Variants in PTPRM observed in about 807,000 individuals in gnomAD.
PTPRM encodes the protein protein tyrosine phosphatase receptor type M, also known as receptor-type tyrosine-protein phosphatase mu.
PTPRM carries 47 observed loss-of-function variants against 186.7 expected under a neutral mutation model. The observed-to-expected ratio is 0.25, with a 90% CI of 0.20 to 0.32. The LOEUF (loss-of-function observed/expected upper bound fraction) is 0.32, where lower values mean the gene tolerates loss of function less well. PTPRM is among the 10% of genes least tolerant of loss of function. The pLI is 1.00. For missense variants in PTPRM, 1,494 were observed against 1,865.0 expected, an observed-to-expected ratio of 0.80 and a Z score of 3.66; for synonymous variants, 668 against 674.9, an observed-to-expected ratio of 0.99 and a Z score of 0.16.
At chr18:7,714,450 T>G (rs2040279981) in intron 1 of PTPRM, among the ~76,000 whole-genome samples, 1 of 151,490 alleles carries the variant, frequency 6.6e-6, no homozygotes, top group Non-Finnish European at 1.5e-5. Flanking sequence ...ACATCACAAT[T>G]AAAAGAACTA....
At chr18:8,125,864 C>CT (rs1374229236) in intron 13 of PTPRM, among the ~76,000 whole-genome samples, 2 of 150,696 alleles carry the variant, frequency 1.3e-5, no homozygotes, top group East Asian at 3.9e-4. Context: ...TCTTTAAAAA[C>CT]TTTTTATTTT....
intron 14 of PTPRM, among the ~76,000 whole-genome samples, chr18:8,206,263 A>ATTTTTTTTTTTTTTTTTTTTTTTTTT (rs1211708621): frequency 6.8e-6 from 1 of 147,118 alleles, no homozygotes; most frequent in African/African-American, 2.7e-5. Flanking sequence ...ATTTTATTTT[A>ATTTTTTTTTTTTTTTTTTTTTTTTTT]TTTTATTTTG....
intron 23 of PTPRM, among the ~76,000 whole-genome samples, chr18:8,352,653 GTTT>G (rs1355276752): frequency 8.2e-5 from 10 of 121,344 alleles, no homozygotes; most frequent in African/African-American, 1.7e-4. Flanking sequence ...TTTTGGTTTG[GTTT>G]TTTTTGTTTG....
intron 19 of PTPRM, among the ~76,000 whole-genome samples, chr18:8,288,106 T>G (rs2094977628): frequency 6.6e-6 from 1 of 152,182 alleles, no homozygotes; most frequent in Non-Finnish European, 1.5e-5. Context: ...TCTAAACACA[T>G]AGAAACCCTT....
At chr18:7,757,637 C>T (rs531858459) in intron 1 of PTPRM, among the ~76,000 whole-genome samples, 2 of 152,216 alleles carry the variant, frequency 1.3e-5, no homozygotes, top group African/African-American at 4.8e-5. Flanking sequence ...ATAAGGGGCA[C>T]AATCTCGTAC....
chr18:8,263,032 A>C (rs1159300918), intron 19 of PTPRM, among the ~76,000 whole-genome samples: 2 of 152,186 alleles, frequency 1.3e-5, no homozygotes, highest in Non-Finnish European at 2.9e-5. Flanking sequence ...AATACTGATC[A>C]CCTAAAAATG....
intron 1 of PTPRM, among the ~76,000 whole-genome samples, chr18:7,634,454 C>G (rs548471635): frequency 7.2e-5 from 11 of 152,326 alleles, no homozygotes; most frequent in African/African-American, 2.6e-4. Flanking sequence ...ATGGCTATGT[C>G]TTTGTCCCCA....
At chr18:8,168,104 T>A (rs917447908) in intron 14 of PTPRM, among the ~76,000 whole-genome samples, 1 of 152,246 alleles carries the variant, frequency 6.6e-6, no homozygotes, top group Non-Finnish European at 1.5e-5. Flanking sequence ...AGCGCTCAGT[T>A]AAAAATATTT....
intron 32 of PTPRM, among the ~76,000 whole-genome samples, chr18:8,395,860 T>C (rs1459757050): frequency 6.6e-6 from 1 of 152,238 alleles, no homozygotes; most frequent in Non-Finnish European, 1.5e-5. Context: ...TCCTTAAGCA[T>C]GTCACTTAAC....
intron 1 of PTPRM, among the ~76,000 whole-genome samples, chr18:7,660,153 A>C (rs960192808): frequency 5.3e-5 from 8 of 152,276 alleles, no homozygotes; most frequent in African/African-American, 1.9e-4. Context: ...CCTGGCCAAC[A>C]TGACAAAAGC....
At chr18:7,620,094 G>A (rs1313815175) in intron 1 of PTPRM, among the ~76,000 whole-genome samples, 1 of 152,158 alleles carries the variant, frequency 6.6e-6, no homozygotes, top group African/African-American at 2.4e-5. Context: ...TTCTCTAGGA[G>A]AAAACCACTC....
chr18:8,308,269 C>G (rs924675575), intron 20 of PTPRM, among the ~76,000 whole-genome samples: 1 of 152,180 alleles, frequency 6.6e-6, no homozygotes, highest in African/African-American at 2.4e-5. Flanking sequence ...GAGAAATCAC[C>G]TAATTGGCTA....
At position 7,898,435 on chromosome 18, in the gene PTPRM, C is replaced by A. The variant is rs577520388; in HGVS notation, c.469-8070C>A. On this transcript the variant is annotated intron_variant, in intron 3 of 32. Transcript: ENST00000580170. ...AAGCTAATTTTGCTCTTCACTGAAG[C>A]GGGGAGGATCAGGGAGGCTGTGGTG... 2.0e-5 allele frequency among the ~76,000 whole-genome samples: 3 copies of A among 152,250 alleles called. No homozygotes were observed. The South Asian group carries it at 6.2e-4, about 32-fold the overall frequency.
At chr18:8,007,971 G>A (rs974129620) in intron 7 of PTPRM, among the ~76,000 whole-genome samples, 4 of 152,104 alleles carry the variant, frequency 2.6e-5, no homozygotes, top group East Asian at 3.9e-4. Flanking sequence ...GTGCCTTCCC[G>A]CTTGTGGTGC....
chr18:8,305,722 C>A lies in PTPRM; in HGVS notation c.2843-9059C>A, dbSNP rs1601726348. 2.0e-5 allele frequency among the ~76,000 whole-genome samples: 3 copies of A among 152,226 alleles called. No individual in the cohort carries two copies. The Middle Eastern group carries it at 0.01, about 521-fold the overall frequency. ...GCATTCAGCATGTCTTCAAACATTT[C>A]TCCTGTTTCCTTTTTAAAAGTATCT... is the stretch of plus-strand genomic sequence containing the variant. On this transcript the variant is annotated intron_variant, in intron 20 of 32. Coordinates refer to ENST00000580170, the MANE Select transcript of PTPRM (RefSeq NM_001105244.2).
At chr18:8,085,598 G>A (rs1006479347) in intron 9 of PTPRM, 73 bp from the exon 10 acceptor site, 9 of 1,297,252 alleles carry the variant, frequency 6.9e-6, no homozygotes, top group African/African-American at 4.4e-5. Flanking sequence ...TACATCAGAA[G>A]GGTTTATTGG....
chr18:7,585,448 C>T (rs1006411395), intron 1 of PTPRM, among the ~76,000 whole-genome samples: 2 of 152,140 alleles, frequency 1.3e-5, no homozygotes, highest in Non-Finnish European at 2.9e-5. Context: ...GTCTTCCCTT[C>T]TGTCCCATGC....
At chr18:7,950,554 G>A (rs549507005) in intron 6 of PTPRM, among the ~76,000 whole-genome samples, 17 of 152,312 alleles carry the variant, frequency 1.1e-4, no homozygotes, top group South Asian at 1.0e-3. Flanking sequence ...TGTATGTGCT[G>A]CTGTTTCCTT....
intron 1 of PTPRM, among the ~76,000 whole-genome samples, chr18:7,649,774 C>A (rs1445909452): frequency 6.6e-6 from 1 of 151,912 alleles, no homozygotes; most frequent in Non-Finnish European, 1.5e-5. Context: ...AATGAAATTG[C>A]CACAGCCACT....
Sources: gnomAD v4.1 joint callset for allele counts (sites outside exome capture counted in the v4.1 genomes callset) on GRCh38, gnomAD v4.1.1 for gene constraint, MANE v1.5 for transcripts, NCBI Gene and HGNC (gene_info 2026-07-23, HGNC 2026-07-21) for gene names.